The following ADGRB3 variants were observed in gnomAD, a reference collection of about 807,000 sequenced individuals.
ADGRB3 encodes brain-specific angiogenesis inhibitor 3.
ADGRB3 carries 37 observed loss-of-function variants against 193.4 expected under a neutral mutation model. The ratio of observed to expected loss-of-function variants is 0.19; its 90% CI spans 0.15 to 0.25. The LOEUF is 0.25. ADGRB3 is among the 10% of genes least tolerant of loss of function. ADGRB3 has a pLI of 1.00. For synonymous variants in ADGRB3, 690 were observed against 644.2 expected, an observed-to-expected ratio of 1.07 and a Z score of -1.08; for missense variants, 1,637 against 1,852.9, an observed-to-expected ratio of 0.88 and a Z score of 2.14.
At chr6:69,237,701 C>T (rs1561962372) in intron 19 of ADGRB3, among the ~76,000 whole-genome samples, 1 of 152,006 alleles carries the variant, frequency 6.6e-6, no homozygotes, top group African/African-American at 2.4e-5. Context: ...AAACCCTTTT[C>T]ATAATGTCAT....
intron 20 of ADGRB3, among the ~76,000 whole-genome samples, chr6:69,298,938 G>T (rs1313106293): frequency 6.6e-6 from 1 of 151,844 alleles, no homozygotes; most frequent in Non-Finnish European, 1.5e-5. Context: ...TCTATTTTTA[G>T]TTTTTTAAGG....
intron 20 of ADGRB3, among the ~76,000 whole-genome samples, chr6:69,272,184 C>G (rs1561972934): frequency 6.6e-6 from 1 of 152,194 alleles, no homozygotes; most frequent in African/African-American, 2.4e-5. Context: ...GTAGAAATTT[C>G]CATCTGCATT....
chr6:68,941,129 A>T (rs1013569841), intron 5 of ADGRB3, among the ~76,000 whole-genome samples: 1 of 152,190 alleles, frequency 6.6e-6, no homozygotes, highest in African/African-American at 2.4e-5. Context: ...TTTTATTAGG[A>T]TCATTTTAAA....
chr6:68,981,881 T>G (rs1048979191), intron 10 of ADGRB3, among the ~76,000 whole-genome samples: 1 of 141,378 alleles, frequency 7.1e-6, no homozygotes, highest in African/African-American at 2.6e-5. Context: ...TATTTATTTA[T>G]TTATTTATTT....
At chr6:68,735,019 C>T (rs1765845012) in intron 3 of ADGRB3, among the ~76,000 whole-genome samples, 1 of 151,854 alleles carries the variant, frequency 6.6e-6, no homozygotes, top group African/African-American at 2.4e-5. Flanking sequence ...AATACTAGTG[C>T]AAAGATTGAA....
chr6:69,170,491 C>T (rs553972512), intron 17 of ADGRB3, among the ~76,000 whole-genome samples: 7 of 152,152 alleles, frequency 4.6e-5, no homozygotes, highest in Non-Finnish European at 8.8e-5. Context: ...CACAGCAGCA[C>T]TATATATTCT....
chr6:68,880,504 C>G (rs1482150724), intron 3 of ADGRB3, among the ~76,000 whole-genome samples: 1 of 152,180 alleles, frequency 6.6e-6, no homozygotes. Context: ...CAAAACATCC[C>G]TCTCCATTCC....
At chr6:69,096,747 G>C (rs1772889832) in intron 17 of ADGRB3, among the ~76,000 whole-genome samples, 1 of 152,112 alleles carries the variant, frequency 6.6e-6, no homozygotes, top group African/African-American at 2.4e-5. Flanking sequence ...AATATGGTAG[G>C]TCTCAGCTTC....
chr6:69,302,937 T>C (rs1223782939), intron 20 of ADGRB3, among the ~76,000 whole-genome samples: 2 of 151,866 alleles, frequency 1.3e-5, no homozygotes, highest in Non-Finnish European at 2.9e-5. Context: ...AATTTCAAGA[T>C]ATGGATCTTG....
rs1423273989 is a variant in ADGRB3 at position 68,956,176 on chromosome 6, C to G, written c.1348C>G (p.Pro450Ala). ...GGCAGAAAGCAGAGAGTGCTATAAC[C>G]CTGAATGTACAGGTAGGGCTTGATT... ...PWAESRECYN[P>A]ECTANGQWNQ... Residue 450 changes from proline (P) to alanine (A), a missense_variant, in exon 7 of 32, where the codon CCT (proline) becomes GCT (alanine). Physicochemically the swap from Pro to Ala is conservative, Grantham distance 27. Coordinates refer to ENST00000370598, the MANE Select transcript of ADGRB3 (RefSeq NM_001704.3). 1 of 1,611,082 alleles carries G rather than the reference C, an allele frequency of 6.2e-7. No individual in the cohort carries two copies. The highest frequency in any genetic ancestry group is 8.5e-7 in the Non-Finnish European group (1 of 1,178,362).
intron 13 of ADGRB3, among the ~76,000 whole-genome samples, chr6:69,044,160 A>G (rs571500534): frequency 6.6e-5 from 10 of 152,330 alleles, no homozygotes; most frequent in African/African-American, 2.4e-4. Flanking sequence ...TCCAGATCAT[A>G]AGTCTGTGTG....
At chr6:68,804,544 A>G (rs1384287133) in intron 3 of ADGRB3, among the ~76,000 whole-genome samples, 1 of 152,172 alleles carries the variant, frequency 6.6e-6, no homozygotes, top group Non-Finnish European at 1.5e-5. Flanking sequence ...AGTTCTCAGC[A>G]TATTATAAGT....
chr6:69,115,600 ATAAAT>A (rs1384648165), intron 17 of ADGRB3, among the ~76,000 whole-genome samples: 6 of 152,254 alleles, frequency 3.9e-5, no homozygotes, highest in South Asian at 2.1e-4. Flanking sequence ...TATAATAAAA[ATAAAT>A]TAAATAAAGA....
intron 20 of ADGRB3, among the ~76,000 whole-genome samples, chr6:69,256,967 G>T (rs1223156914): frequency 2.0e-5 from 3 of 151,996 alleles, no homozygotes; most frequent in African/African-American, 2.4e-5. Flanking sequence ...TAATCATGTG[G>T]TTTTTGTCTT....
chr6:69,363,084 G>A (rs1385426447), intron 29 of ADGRB3, among the ~76,000 whole-genome samples: 2 of 151,972 alleles, frequency 1.3e-5, no homozygotes, highest in Non-Finnish European at 2.9e-5. Context: ...TTGCTGGATT[G>A]ATATTGTACA....
intron 26 of ADGRB3, among the ~76,000 whole-genome samples, chr6:69,347,062 A>G (rs755191801): frequency 6.6e-6 from 1 of 152,210 alleles, no homozygotes; most frequent in Non-Finnish European, 1.5e-5. Context: ...TTGCAGGGAC[A>G]TGGATGAAGC....
chr6:68,907,044 G>T (rs971122533), intron 3 of ADGRB3, among the ~76,000 whole-genome samples: 1 of 151,808 alleles, frequency 6.6e-6, no homozygotes, highest in Non-Finnish European at 1.5e-5. Context: ...ATATACAAAA[G>T]GATAACAGTA....
chr6:68,862,537 T>C (rs1765187025), intron 3 of ADGRB3, among the ~76,000 whole-genome samples: 3 of 152,150 alleles, frequency 2.0e-5, no homozygotes, highest in Admixed American at 6.5e-5. Context: ...TTTTACAGAG[T>C]TGGGGTCAGG....
chr6:68,724,243 T>C (rs1297385183), intron 3 of ADGRB3, among the ~76,000 whole-genome samples: 7 of 151,668 alleles, frequency 4.6e-5, no homozygotes, highest in Admixed American at 1.3e-4. Flanking sequence ...GTTATCACAT[T>C]AGAAGTCCTT....
Sources: allele counts gnomAD v4.1 joint callset (sites outside exome capture counted in the v4.1 genomes callset), GRCh38; gene constraint gnomAD v4.1.1; transcripts MANE v1.5; gene names NCBI Gene and HGNC (gene_info 2026-07-23, HGNC 2026-07-21).